Variants in DDX10 observed in about 807,000 individuals in gnomAD.
DDX10 encodes the protein DEAD-box helicase 10.
In DDX10, 74 loss-of-function variants were observed where a neutral mutation model predicts 104.3. The ratio of observed to expected loss-of-function variants is 0.71; its 90% confidence interval spans 0.59 to 0.86. DDX10 has a LOEUF of 0.86. Among genes scored for constraint, DDX10 ranks in the 40% least tolerant of loss-of-function variants. The pLI, the probability that DDX10 is intolerant of heterozygous loss-of-function variation, is 0.00. For missense variants in DDX10, 952 were observed against 1,040.0 expected, an observed-to-expected ratio of 0.92 and a Z score of 1.16; for synonymous variants, 351 against 353.4, an observed-to-expected ratio of 0.99 and a Z score of 0.08.
chr11:108,754,691 A>G lies in DDX10; in HGVS notation c.1965+31229A>G, dbSNP rs182624199. On this transcript the variant is annotated intron_variant, in intron 13 of 17. Transcript: ENST00000322536. The stretch of plus-strand genomic sequence containing the variant: ...AGAATGGTAATTCAAGACACACTGT[A>G]CATCTAGAATCTATGGGTGATAGAA... Among the ~76,000 whole-genome samples the G allele has an allele frequency of 3.9e-5, 6 of 152,148 alleles. No homozygotes were observed. In the East Asian group the frequency reaches 1.2e-3, roughly 29 times the overall value.
chr11:108,919,983 G>A (rs1863802017), intron 17 of DDX10: 1 of 151,040 alleles, frequency 6.6e-6, no homozygotes, highest in African/African-American at 2.4e-5. Context: ...ACACTTAACT[G>A]CTCTAGCCTC....
At chr11:108,677,056 A>G in intron 3 of DDX10, 29 bp from the exon 4 acceptor site, 1 of 1,584,032 alleles carries the variant, frequency 6.3e-7, no homozygotes, top group South Asian at 1.1e-5. Flanking sequence ...CTGATGACTT[A>G]CTGAACATGA....
In DDX10 at chr11:108,692,025, A is replaced by C; in HGVS notation, c.1125A>C (p.Ala375=). 2 of 1,606,162 alleles carry C rather than the reference A, an allele frequency of 1.2e-6. No homozygotes were observed. The highest frequency in any genetic ancestry group is 1.7e-6 in the Non-Finnish European group (2 of 1,176,236). The change falls in exon 8 of 18, where the codon GCA becomes GCC. Residue 375 remains alanine, a synonymous_variant. Transcript: ENST00000322536. ...CAGTACTCTTTGCTACTGATATTGCAGCCAGGGGTCTGGGTAAGAAAACTT... is the reference window on the plus strand; with the variant it reads ...CAGTACTCTTTGCTACTGATATTGCCGCCAGGGGTCTGGGTAAGAAAACTT... ...RAAVLFATDI[A]ARGLDFPAVN... is the part of the protein sequence containing the mutation.
chr11:108,716,854 C>T (rs1388170454), intron 11 of DDX10, among the ~76,000 whole-genome samples: 3 of 151,688 alleles, frequency 2.0e-5, no homozygotes, highest in Admixed American at 6.6e-5. Context: ...TGTGTAATTG[C>T]TAAATGAAGC....
chr11:108,831,030 A>G (rs1862462227), intron 13 of DDX10, among the ~76,000 whole-genome samples: 1 of 152,026 alleles, frequency 6.6e-6, no homozygotes, highest in Admixed American at 6.6e-5. Flanking sequence ...GTTCTATTAG[A>G]GTTTGGTTAT....
chr11:108,787,379 A>G (rs1208081106), intron 13 of DDX10, among the ~76,000 whole-genome samples: 1 of 151,882 alleles, frequency 6.6e-6, no homozygotes, highest in East Asian at 1.9e-4. Context: ...CTGAATTTAT[A>G]TGTCTTCCTC....
At chr11:108,719,994 C>T (rs1346819543) in intron 12 of DDX10, 109 bp downstream of exon 12, 2 of 731,650 alleles carry the variant, frequency 2.7e-6, no homozygotes, top group Non-Finnish European at 4.7e-6. Flanking sequence ...TCTCAAACCC[C>T]TGTGCTCCAG....
At chr11:108,877,476 A>G (rs1262116360) in intron 16 of DDX10, among the ~76,000 whole-genome samples, 1 of 152,218 alleles carries the variant, frequency 6.6e-6, no homozygotes, top group African/African-American at 2.4e-5. Context: ...TCACACTTAG[A>G]AGCCTATTGT....
intron 6 of DDX10, among the ~76,000 whole-genome samples, chr11:108,680,868 T>C (rs1055035837): frequency 6.6e-6 from 1 of 152,190 alleles, no homozygotes; most frequent in Non-Finnish European, 1.5e-5. Flanking sequence ...TGCTTCTGGG[T>C]GATCTTGGGG....
Position 108,724,412 on chromosome 11 carries a change from C to T in DDX10, c.1965+950C>T, listed in dbSNP as rs114971620. 1.1e-3 allele frequency among the ~76,000 whole-genome samples: 169 copies of T among 151,668 alleles called. 2 individuals are homozygous for T. Among genetic ancestry groups the T allele is most frequent in the African/African-American group, 3.9e-3 (162 of 41,362 alleles). On this transcript the variant is annotated intron_variant, in intron 13 of 17. Transcript: ENST00000322536. ...TACTACTATCTCATTATACAGGTGACGGAAAAAAAATAACTGTGGCACAGA... is the reference window on the plus strand; with the variant it reads ...TACTACTATCTCATTATACAGGTGATGGAAAAAAAATAACTGTGGCACAGA...
intron 13 of DDX10, among the ~76,000 whole-genome samples, chr11:108,784,832 A>G (rs1452033186): frequency 6.6e-6 from 1 of 152,194 alleles, no homozygotes; most frequent in Non-Finnish European, 1.5e-5. Flanking sequence ...GAGGTCTTAC[A>G]TTTAAATCAG....
chr11:108,830,431 T>C (rs1042824245), intron 13 of DDX10, among the ~76,000 whole-genome samples: 7 of 152,226 alleles, frequency 4.6e-5, no homozygotes, highest in African/African-American at 1.7e-4. Flanking sequence ...ATTTACCGGT[T>C]CTGGGAGCTT....
At chr11:108,876,469 A>G (rs1364085724) in intron 16 of DDX10, among the ~76,000 whole-genome samples, 1 of 152,186 alleles carries the variant, frequency 6.6e-6, no homozygotes, top group Non-Finnish European at 1.5e-5. Flanking sequence ...GGTATGAGGA[A>G]CAGTTACAGA....
At chr11:108,841,173 G>T in intron 14 of DDX10, 142 bp from the exon 15 acceptor site, 2 of 661,554 alleles carry the variant, frequency 3.0e-6, no homozygotes, top group South Asian at 4.5e-5. Flanking sequence ...GCTTGAAGTT[G>T]ATTAGAAGAT....
At chr11:108,893,837 A>G (rs1863406709) in intron 16 of DDX10, among the ~76,000 whole-genome samples, 1 of 152,086 alleles carries the variant, frequency 6.6e-6, no homozygotes. Context: ...TTCTCCAGAG[A>G]AAGTAATAGA....
intron 16 of DDX10, among the ~76,000 whole-genome samples, chr11:108,916,611 A>G (rs982655045): frequency 3.9e-5 from 6 of 152,210 alleles, no homozygotes; most frequent in African/African-American, 7.2e-5. Context: ...CAAAAGAATC[A>G]AAGAATCATT....
chr11:108,779,194 C>T (rs2134536756), intron 13 of DDX10, among the ~76,000 whole-genome samples: 1 of 152,272 alleles, frequency 6.6e-6, no homozygotes, highest in Non-Finnish European at 1.5e-5. Context: ...TGGGCATATA[C>T]CCAAAGGATT....
At chr11:108,700,364 T>G (rs1171111269) in intron 9 of DDX10, among the ~76,000 whole-genome samples, 1 of 152,212 alleles carries the variant, frequency 6.6e-6, no homozygotes. Flanking sequence ...TTTCTCAGTT[T>G]AGTAAGTACC....
chr11:108,710,506 C>G (rs1443249142), intron 10 of DDX10, among the ~76,000 whole-genome samples: 1 of 151,580 alleles, frequency 6.6e-6, no homozygotes, highest in African/African-American at 2.4e-5. Flanking sequence ...ATTAATATCA[C>G]TGTCTTTCAT....
Sources: gnomAD v4.1 joint callset for allele counts (sites outside exome capture counted in the v4.1 genomes callset) on GRCh38, gnomAD v4.1.1 for gene constraint, MANE v1.5 for transcripts, NCBI Gene and HGNC (gene_info 2026-07-23, HGNC 2026-07-21) for gene names.